Variants in DPF3 observed in about 807,000 individuals in gnomAD.
DPF3 encodes double PHD fingers 3, also known as zinc finger protein DPF3.
In DPF3, 18 loss-of-function variants were observed where a neutral mutation model predicts 56.8. The observed-to-expected ratio is 0.32, with a 90% CI of 0.22 to 0.47. The LOEUF is 0.47. Ranked by LOEUF, DPF3 falls within the 20% of genes least tolerant of loss-of-function variation. The probability of loss-of-function intolerance (pLI) is 1.00; values close to 1 mark genes in which losing one functional copy is unlikely to be tolerated. For synonymous variants in DPF3, 188 were observed against 180.2 expected (o/e 1.04, Z -0.35); for missense variants, 403 against 488.8 (o/e 0.82, Z 1.65).
chr14:72,671,961 T>C (rs1005866892), intron 8 of DPF3, among the ~76,000 whole-genome samples: 8 of 152,042 alleles, frequency 5.3e-5, no homozygotes, highest in Non-Finnish European at 8.8e-5. Context: ...GATAAAATAG[T>C]TTGTTTCCTT....
intron 8 of DPF3, among the ~76,000 whole-genome samples, chr14:72,632,088 T>C (rs745734955): frequency 4.6e-5 from 7 of 152,226 alleles, no homozygotes; most frequent in Admixed American, 4.6e-4. Context: ...CAGAGGTAGC[T>C]GGAGAAGGAT....
In DPF3 at chr14:72,633,598, G is replaced by T. The variant is rs562984793; in HGVS notation, c.872-3862C>A. On this transcript the variant is annotated intron_variant, in intron 8 of 10. Coordinates refer to ENST00000556509, the MANE Select transcript of DPF3 (RefSeq NM_001280542.3). ...TGGTCAACTGTGTTTACTGCCACAGGTTCTCTAGTTTGTCCTTGCTCAATA... is the reference window on the plus strand; with the variant it reads ...TGGTCAACTGTGTTTACTGCCACAGTTTCTCTAGTTTGTCCTTGCTCAATA... 4.6e-5 allele frequency among the ~76,000 whole-genome samples: 7 copies of T among 152,280 alleles called. No individual in the cohort carries two copies. The South Asian group carries it at 1.4e-3, about 32-fold the overall frequency.
At chr14:72,857,506 T>A (rs1346174577) in intron 1 of DPF3, among the ~76,000 whole-genome samples, 1 of 152,180 alleles carries the variant, frequency 6.6e-6, no homozygotes, top group African/African-American at 2.4e-5. Context: ...CTGCTGCTAT[T>A]ATTACAAATA....
intron 5 of DPF3, among the ~76,000 whole-genome samples, chr14:72,720,555 C>T (rs1471550527): frequency 6.6e-6 from 1 of 152,176 alleles, no homozygotes; most frequent in Non-Finnish European, 1.5e-5. Flanking sequence ...TAGGCTCCAT[C>T]CAGCCCCCTC....
chr14:72,696,450 G>C (rs1887901965), intron 6 of DPF3, among the ~76,000 whole-genome samples: 1 of 152,100 alleles, frequency 6.6e-6, no homozygotes, highest in African/African-American at 2.4e-5. Context: ...GTCTCTTAAG[G>C]ACAGTTTCAT....
chr14:72,633,277 T>C (rs879313161), intron 8 of DPF3, among the ~76,000 whole-genome samples: 1 of 152,042 alleles, frequency 6.6e-6, no homozygotes, highest in Non-Finnish European at 1.5e-5. Context: ...GATAGTTGAA[T>C]GTATGGGTCG....
At chr14:72,779,570 C>T (rs2139960198) in intron 1 of DPF3, among the ~76,000 whole-genome samples, 1 of 152,340 alleles carries the variant, frequency 6.6e-6, no homozygotes, top group Non-Finnish European at 1.5e-5. Context: ...TCCAGCTCCA[C>T]CTCTTAATAG....
chr14:72,743,070 G>A (rs1447704043), intron 3 of DPF3, among the ~76,000 whole-genome samples: 1 of 152,202 alleles, frequency 6.6e-6, no homozygotes, highest in Admixed American at 6.5e-5. Context: ...TGGGATGGGG[G>A]CGATCATCCT....
chr14:72,752,808 G>T (rs1890633717), intron 3 of DPF3, among the ~76,000 whole-genome samples: 1 of 152,158 alleles, frequency 6.6e-6, no homozygotes, highest in African/African-American at 2.4e-5. Context: ...TAGTGAATTG[G>T]CCCCTTTTTG....
chr14:72,819,553 A>G (rs1453149886), intron 1 of DPF3, among the ~76,000 whole-genome samples: 1 of 152,200 alleles, frequency 6.6e-6, no homozygotes, highest in Non-Finnish European at 1.5e-5. Flanking sequence ...GACTGAAAAA[A>G]ATAAAAATAA....
At chr14:72,742,068 G>T (rs934193701) in intron 3 of DPF3, among the ~76,000 whole-genome samples, 9 of 152,234 alleles carry the variant, frequency 5.9e-5, no homozygotes, top group African/African-American at 2.2e-4. Flanking sequence ...CGGACAGGAA[G>T]GCAAAAGGAG....
intron 1 of DPF3, among the ~76,000 whole-genome samples, chr14:72,776,549 G>C (rs967219127): frequency 2.0e-5 from 3 of 152,146 alleles, no homozygotes; most frequent in Non-Finnish European, 4.4e-5. Context: ...GGAAAGATGA[G>C]ACTTCTCCAA....
At chr14:72,866,595 G>A (rs1368882111) in intron 1 of DPF3, among the ~76,000 whole-genome samples, 4 of 150,416 alleles carry the variant, frequency 2.7e-5, no homozygotes, top group Non-Finnish European at 3.0e-5. Flanking sequence ...GGTGGCTCAC[G>A]CCTATAATCC....
intron 7 of DPF3, among the ~76,000 whole-genome samples, chr14:72,678,183 C>T (rs1886998682): frequency 6.6e-6 from 1 of 152,292 alleles, no homozygotes; most frequent in African/African-American, 2.4e-5. Context: ...CAGGTTTCAC[C>T]CCCAGTTTGT....
At chr14:72,840,882 G>A (rs766735268) in intron 1 of DPF3, among the ~76,000 whole-genome samples, 9 of 152,182 alleles carry the variant, frequency 5.9e-5, no homozygotes, top group Non-Finnish European at 1.2e-4. Flanking sequence ...ATGAACTCCT[G>A]ATTCAGCCAC....
intron 6 of DPF3, among the ~76,000 whole-genome samples, chr14:72,709,149 C>T (rs759854933): frequency 2.0e-5 from 3 of 152,234 alleles, no homozygotes; most frequent in Non-Finnish European, 2.9e-5. Flanking sequence ...ACACACTCCC[C>T]GACTGGGTTT....
At chr14:72,712,203 G>GT (rs1888682127) in intron 6 of DPF3, among the ~76,000 whole-genome samples, 1 of 152,180 alleles carries the variant, frequency 6.6e-6, no homozygotes, top group African/African-American at 2.4e-5. Flanking sequence ...CACACAGAAG[G>GT]TGGGAGAGAG....
chr14:72,782,292 T>G (rs1034253163), intron 1 of DPF3, among the ~76,000 whole-genome samples: 2 of 151,634 alleles, frequency 1.3e-5, no homozygotes, highest in African/African-American at 2.4e-5. Flanking sequence ...AGTGGTGCAG[T>G]GGAGGAGTGT....
intron 5 of DPF3, among the ~76,000 whole-genome samples, chr14:72,715,835 C>T (rs1263323009): frequency 6.7e-6 from 1 of 148,510 alleles, no homozygotes; most frequent in Non-Finnish European, 1.5e-5. Context: ...TCCCACCAGT[C>T]TCCCTCCCCA....
Sources: gnomAD v4.1 joint callset for allele counts (sites outside exome capture counted in the v4.1 genomes callset) on GRCh38, gnomAD v4.1.1 for gene constraint, MANE v1.5 for transcripts, NCBI Gene and HGNC (gene_info 2026-07-23, HGNC 2026-07-21) for gene names.